Variants in MALT1 observed in about 807,000 individuals in gnomAD.
The protein encoded by MALT1 is MALT1 paracaspase.
In MALT1, 36 loss-of-function variants were observed where a neutral mutation model predicts 85.5. The ratio of observed to expected loss-of-function variants is 0.42; its 90% CI spans 0.32 to 0.56. The LOEUF is 0.56. Among genes scored for constraint, MALT1 ranks in the 20% least tolerant of loss-of-function variants. The pLI, the probability that MALT1 is intolerant of heterozygous loss-of-function variation, is 0.10. For missense variants in MALT1, 716 were observed against 981.6 expected (o/e 0.73, Z 3.62); for synonymous variants, 359 against 361.3 (o/e 0.99, Z 0.07).
chr18:58,715,914 T>G (rs1309394318), intron 8 of MALT1, 21 bp from the exon 9 acceptor site: 2 of 1,577,796 alleles, frequency 1.3e-6, no homozygotes, highest in East Asian at 2.2e-5. Flanking sequence ...TTACATGTTT[T>G]GCTTTTTTAT....
At chr18:58,722,778 T>C (rs1309486215) in intron 9 of MALT1, among the ~76,000 whole-genome samples, 2 of 152,252 alleles carry the variant, frequency 1.3e-5, no homozygotes, top group African/African-American at 2.4e-5. Flanking sequence ...ATTACTGTTA[T>C]GTTTCATATA....
At chr18:58,709,095 C>T (rs901957447) in intron 4 of MALT1, among the ~76,000 whole-genome samples, 2 of 152,214 alleles carry the variant, frequency 1.3e-5, no homozygotes, top group Admixed American at 1.3e-4. Flanking sequence ...ATATTCCTCT[C>T]CTTAATTGAC....
chr18:58,688,687 C>T (rs937928040), intron 2 of MALT1, among the ~76,000 whole-genome samples: 2 of 152,084 alleles, frequency 1.3e-5, no homozygotes, highest in Non-Finnish European at 2.9e-5. Context: ...AGAGGAAAAA[C>T]CCTTTCCATC....
rs1204424833 is a variant in MALT1 at position 58,747,256 on chromosome 18, G to A, written c.2038-149G>A. ...ATAGCTGGCGTTTCTCAGTTTCAGG[G>A]AGATATAAAGGATGCCTTGAGGATT... On this transcript the variant is annotated intron_variant, in intron 16 of 16. Coordinates refer to ENST00000649217, the MANE Select transcript of MALT1 (RefSeq NM_006785.4). 8 of 607,906 alleles carry A rather than the reference G, an allele frequency of 1.3e-5. No individual in the cohort carries two copies. In the Admixed American group the frequency reaches 2.4e-4, roughly 18 times the overall value. The allele number at this position is 607,906 out of a possible 1,614,324, so 37.7% of individuals were successfully genotyped here.
In MALT1 at chr18:58,710,038, C is replaced by T. The variant is rs1280121018; in HGVS notation, c.891C>T (p.Asp297=). The T allele has an allele frequency of 6.2e-7, 1 of 1,611,876 alleles. No individual in the cohort carries two copies. Among genetic ancestry groups the T allele is most frequent in the Non-Finnish European group, 8.5e-7 (1 of 1,178,722 alleles). The change falls in exon 6 of 17, where the codon GAC becomes GAT. Residue 297 remains aspartate (D), a synonymous_variant. Transcript: ENST00000649217. Reference sequence around the variant, plus strand: ...GGTGTCATGTATATAATGATCGAGACAGTCAAGATAGCAAGAAGGTAGAAA... The same window carrying T: ...GGTGTCATGTATATAATGATCGAGATAGTCAAGATAGCAAGAAGGTAGAAA... ...TYWCHVYNDR[D]SQDSKKVEII...
intron 2 of MALT1, among the ~76,000 whole-genome samples, chr18:58,692,380 T>C (rs1282532222): frequency 1.3e-5 from 2 of 151,616 alleles, no homozygotes; most frequent in Non-Finnish European, 2.9e-5. Context: ...GTCATGTGTA[T>C]TCCAACTGCT....
At chr18:58,717,356 CTG>C (rs1331887286) in intron 9 of MALT1, among the ~76,000 whole-genome samples, 2 of 141,852 alleles carry the variant, frequency 1.4e-5, no homozygotes, top group African/African-American at 5.6e-5. Flanking sequence ...GAGTGAAACT[CTG>C]TCTCAAAAAA....
At position 58,672,279 on chromosome 18, in the gene MALT1, G is replaced by C. The variant is rs141004863; in HGVS notation, c.209+427G>C. ...GACCTAAGGAAGGCTGGGAAGAAGC[G>C]CAGGCGAGGTGATGAATGCAGAGGG... On this transcript the variant is annotated intron_variant, in intron 1 of 16. Coordinates refer to ENST00000649217, the MANE Select transcript of MALT1 (RefSeq NM_006785.4). The C allele has an allele frequency of 1.1e-3, 177 of 159,176 alleles. 2 individuals are homozygous for C. The highest frequency in any genetic ancestry group is 3.8e-3 in the African/African-American group (158 of 41,822). 9.9% of individuals were successfully genotyped at this position (159,176 alleles called of 1,614,324 possible).
intron 10 of MALT1, among the ~76,000 whole-genome samples, chr18:58,726,115 A>G (rs1490117975): frequency 6.6e-6 from 1 of 152,208 alleles, no homozygotes; most frequent in Non-Finnish European, 1.5e-5. Flanking sequence ...AACCAGAAAT[A>G]TTAAAAATTG....
intron 9 of MALT1, among the ~76,000 whole-genome samples, chr18:58,721,499 A>G (rs1291074521): frequency 6.7e-6 from 1 of 149,854 alleles, no homozygotes; most frequent in Non-Finnish European, 1.5e-5. Context: ...TTTCACTGTT[A>G]TGTATATTCA....
Position 58,751,767 on chromosome 18 carries a change from C to G in MALT1, c.*3925C>G, listed in dbSNP as rs2055450039. On this transcript the variant is annotated 3_prime_UTR_variant, in exon 17 of 17. Transcript: ENST00000649217. The stretch of plus-strand genomic sequence containing the variant: ...AGTAAAGGCTCACCCAAATTCAAAG[C>G]CAATACTTGATGCTGAGAGGGGATA... 1.3e-5 allele frequency: 2 copies of G among 152,000 alleles called. No homozygotes were observed. The allele number at this position is 152,000 out of a possible 1,614,324, so 9.4% of individuals were successfully genotyped here. A position where few individuals can be genotyped will look rare whatever the true frequency, so the allele number is the denominator to read the frequency against.
Position 58,671,811 on chromosome 18 carries a change from A to C in MALT1, c.168A>C (p.Arg56Ser). 8.1e-7 allele frequency: 1 copy of C among 1,238,952 alleles called. No homozygotes were observed. The highest frequency in any genetic ancestry group is 1.0e-6 in the Non-Finnish European group (1 of 992,312). The allele number at this position is 1,238,952 out of a possible 1,614,324, so 76.7% of individuals were successfully genotyped here. A position where few individuals can be genotyped will look rare whatever the true frequency, so the allele number is the denominator to read the frequency against. ...DQAPEGRGWRRLAELAGSRGR... is the reference protein window; with the variant it reads ...DQAPEGRGWRSLAELAGSRGR... Reference sequence around the variant, plus strand: ...CGCCCGAGGGCCGGGGCTGGAGGAGACTGGCGGAGCTGGCGGGGAGTCGCG... The same window carrying C: ...CGCCCGAGGGCCGGGGCTGGAGGAGCCTGGCGGAGCTGGCGGGGAGTCGCG... Residue 56 changes from arginine to serine, a missense_variant, in exon 1 of 17, where the codon AGA (arginine) becomes AGC (serine). By Grantham distance (110) the Arg-to-Ser change is moderately radical. This residue lies in a region of MALT1 where 290 missense variants were observed against 380.5 expected (regional missense o/e 0.76). Coordinates refer to ENST00000649217, the MANE Select transcript of MALT1 (RefSeq NM_006785.4).
At chr18:58,685,338 T>G (rs924753458) in intron 2 of MALT1, among the ~76,000 whole-genome samples, 2 of 152,176 alleles carry the variant, frequency 1.3e-5, no homozygotes, top group Non-Finnish European at 2.9e-5. Flanking sequence ...TTTATTTTGA[T>G]TAAACGAGAA....
chr18:58,738,789 C>CTGTGTGTGTG (rs35316552), intron 13 of MALT1, among the ~76,000 whole-genome samples: 2 of 125,222 alleles, frequency 1.6e-5, no homozygotes, highest in African/African-American at 7.9e-5. Flanking sequence ...GTGCATTCTT[C>CTGTGTGTGTG]TGTGTGTGTG....
chr18:58,718,048 G>A (rs2054928936), intron 9 of MALT1, among the ~76,000 whole-genome samples: 2 of 152,154 alleles, frequency 1.3e-5, no homozygotes, highest in African/African-American at 4.8e-5. Flanking sequence ...TTTTCACCTA[G>A]TGAAATGTTT....
chr18:58,734,583 C>A (rs1355298149), intron 12 of MALT1: 5 of 526,566 alleles, frequency 9.5e-6, no homozygotes, highest in Non-Finnish European at 1.0e-5. Context: ...GCCACTGTGC[C>A]TGGCCCCTGA....
chr18:58,688,302 A>ACC (rs2054436547), intron 2 of MALT1, among the ~76,000 whole-genome samples: 1 of 126,772 alleles, frequency 7.9e-6, no homozygotes, highest in Non-Finnish European at 1.7e-5. Context: ...TATATGTTAC[A>ACC]CACACACACA....
intron 11 of MALT1, 49 bp downstream of exon 11, chr18:58,733,623 C>G (rs947321476): frequency 2.9e-6 from 4 of 1,373,746 alleles, no homozygotes; most frequent in Non-Finnish European, 4.0e-6. Flanking sequence ...AAATATCGAC[C>G]ATGACAAACT....
In MALT1 at chr18:58,745,649, A is replaced by G. The variant is rs368071338; in HGVS notation, c.1912-17A>G. The G allele has an allele frequency of 9.4e-5, 149 of 1,591,632 alleles. No homozygotes were observed. The African/African-American group carries it at 1.8e-3, about 19-fold the overall frequency. Reference sequence around the variant, plus strand: ...ATTGATTTCATTATTAACAGTCCCTAATTTTTTTTTTTACAGGATCTAGAT... The same window carrying G: ...ATTGATTTCATTATTAACAGTCCCTGATTTTTTTTTTTACAGGATCTAGAT... On this transcript the variant is annotated splice_polypyrimidine_tract_variant and intron_variant, in intron 15 of 16. Coordinates refer to ENST00000649217, the MANE Select transcript of MALT1 (RefSeq NM_006785.4).
Sources: allele counts gnomAD v4.1 joint callset (sites outside exome capture counted in the v4.1 genomes callset), GRCh38; gene constraint gnomAD v4.1.1; regional missense constraint gnomAD v4.1.1; transcripts MANE v1.5; gene names NCBI Gene and HGNC (gene_info 2026-07-23, HGNC 2026-07-21).